TXNRD2: variants seen among roughly 807,000 people sequenced by gnomAD.
The protein encoded by TXNRD2 is thioredoxin reductase 2, also known as thioredoxin reductase 2, mitochondrial.
TXNRD2 carries 67 observed loss-of-function variants against 70.8 expected under a neutral mutation model. The ratio of observed to expected loss-of-function variants is 0.95; its 90% CI spans 0.78 to 1.16. The LOEUF (loss-of-function observed/expected upper bound fraction) is 1.16. TXNRD2 is among the 50% of genes most tolerant of loss of function. The probability of loss-of-function intolerance (pLI) is 0.00; values close to 1 mark genes in which losing one functional copy is unlikely to be tolerated. For synonymous variants in TXNRD2, 301 were observed against 295.8 expected (o/e 1.02, Z -0.18); for missense variants, 644 against 719.9 (o/e 0.89, Z 1.21).
intron 2 of TXNRD2, among the ~76,000 whole-genome samples, chr22:19,920,700 C>T (rs1304366041): frequency 6.6e-6 from 1 of 152,218 alleles, no homozygotes; most frequent in Non-Finnish European, 1.5e-5. Context: ...GACTGCCTCC[C>T]AAGGCACACA....
intron 8 of TXNRD2, among the ~76,000 whole-genome samples, chr22:19,904,063 C>G (rs1022578333): frequency 6.6e-6 from 1 of 152,252 alleles, no homozygotes; most frequent in Admixed American, 6.5e-5. Flanking sequence ...AGAGGCGGAG[C>G]AGGAGCCGAC....
intron 8 of TXNRD2, among the ~76,000 whole-genome samples, chr22:19,904,251 C>A (rs1047647234): frequency 6.6e-6 from 1 of 152,248 alleles, no homozygotes; most frequent in Non-Finnish European, 1.5e-5. Context: ...GTTTTCTGCA[C>A]GTCTTCCTCA....
rs371918416 is a variant in TXNRD2, at chr22:19,915,271, C to A, written c.534G>T (p.Leu178=). ...CGVAKGGKEI[L]LSADHIIIAT... is the part of the protein sequence containing the mutation. The stretch of plus-strand genomic sequence containing the variant: ...CAATGATGATGTGATCGGCTGACAG[C>A]AGAATCTGAGGAGAAAAAGAGAAAG... The change falls in exon 7 of 18, where the codon CTG becomes CTT. Residue 178 remains leucine, a synonymous_variant. Coordinates refer to ENST00000400521, the MANE Select transcript of TXNRD2 (RefSeq NM_006440.5). 3.1e-6 allele frequency: 5 copies of A among 1,613,510 alleles called. No individual in the cohort carries two copies. The African/African-American group carries it at 6.7e-5, about 22-fold the overall frequency.
intron 8 of TXNRD2, among the ~76,000 whole-genome samples, chr22:19,901,742 T>C (rs1352064930): frequency 6.6e-6 from 1 of 152,104 alleles, no homozygotes; most frequent in Admixed American, 6.5e-5. Context: ...CTTCAGGCCA[T>C]TCACGGCCCA....
chr22:19,888,688 C>T (rs531372770), intron 11 of TXNRD2, among the ~76,000 whole-genome samples: 12 of 152,104 alleles, frequency 7.9e-5, no homozygotes, highest in Admixed American at 3.9e-4. Context: ...GAGGCGGGCA[C>T]GGCTTCACAC....
chr22:19,890,664 C>CCCTCTCACCAGGCCA (rs1324171662), intron 11 of TXNRD2, among the ~76,000 whole-genome samples: 1 of 152,210 alleles, frequency 6.6e-6, no homozygotes, highest in Non-Finnish European at 1.5e-5. Context: ...GCCGCCCCTT[C>CCCTCTCACCAGGCCA]CCTCTCACCA....
At chr22:19,933,768 TGGGTGGCAGGCGTTACCTG>T (rs2146098727) in intron 1 of TXNRD2, among the ~76,000 whole-genome samples, 1 of 152,326 alleles carries the variant, frequency 6.6e-6, no homozygotes, top group Non-Finnish European at 1.5e-5. Context: ...GAGGAAGGGC[TGGGTGGCAGGCGTTACCTG>T]GGGACACACC....
rs1472598704 is a variant in TXNRD2 at position 19,912,799 on chromosome 22, G to T, written c.592-1352C>A. 2.0e-5 allele frequency among the ~76,000 whole-genome samples: 3 copies of T among 152,348 alleles called. No individual in the cohort carries two copies. In the East Asian group the frequency reaches 5.8e-4, roughly 29 times the overall value. On this transcript the variant is annotated intron_variant, in intron 7 of 17. Transcript: ENST00000400521. The stretch of plus-strand genomic sequence containing the variant: ...ACAAGTCCCACGGCCTCTAAGGACT[G>T]GGGGTGCTTGTGCTCCTCGGGGCCG...
chr22:19,939,160 C>A (rs937705791), intron 1 of TXNRD2, among the ~76,000 whole-genome samples: 1 of 151,686 alleles, frequency 6.6e-6, no homozygotes, highest in Non-Finnish European at 1.5e-5. Context: ...ATAAAAACCA[C>A]GAGGAAGAGA....
At chr22:19,877,800 A>G (rs1179151966) in intron 16 of TXNRD2, among the ~76,000 whole-genome samples, 1 of 152,172 alleles carries the variant, frequency 6.6e-6, no homozygotes. Flanking sequence ...CACTCTGCTC[A>G]TGGTGGCGTG....
intron 11 of TXNRD2, chr22:19,894,393 A>G (rs1344377679): frequency 6.6e-6 from 1 of 152,626 alleles, no homozygotes; most frequent in Non-Finnish European, 1.5e-5. Context: ...AATGCTTAAG[A>G]TGATGAATTT....
chr22:19,880,172 G>A lies in TXNRD2; in HGVS notation c.1275+7C>T. On this transcript the variant is annotated splice_region_variant and intron_variant, in intron 14 of 17. Transcript: ENST00000400521. ...CTGTCCTCAGCTGTGCTGCTCCCAG[G>A]CCTCACCTCAACATGCTCCTGCCCG... The A allele has an allele frequency of 6.2e-7, 1 of 1,612,626 alleles. No homozygotes were observed. The highest frequency in any genetic ancestry group is 8.5e-7 in the Non-Finnish European group (1 of 1,179,834).
rs904344977 is a variant in TXNRD2, at chr22:19,928,708, A to G, written c.172+2322T>C. Reference sequence around the variant, plus strand: ...GACTGTATTTAGAGATAGGGTCTTCAAAAAGGTAATTAAGTTGGCTGGACA... The same window carrying G: ...GACTGTATTTAGAGATAGGGTCTTCGAAAAGGTAATTAAGTTGGCTGGACA... On this transcript the variant is annotated intron_variant, in intron 2 of 17. Coordinates refer to ENST00000400521, the MANE Select transcript of TXNRD2 (RefSeq NM_006440.5). Among the ~76,000 whole-genome samples the G allele has an allele frequency of 3.3e-5, 5 of 152,174 alleles. No homozygotes were observed. In the East Asian group the frequency reaches 9.6e-4, roughly 29 times the overall value.
chr22:19,879,279 G>A (rs1218102016), intron 14 of TXNRD2, among the ~76,000 whole-genome samples: 5 of 152,160 alleles, frequency 3.3e-5, no homozygotes, highest in African/African-American at 1.2e-4. Context: ...CCCAAAGGCC[G>A]CAGGCCCCAC....
chr22:19,915,125 T>C, intron 7 of TXNRD2, 89 bp downstream of exon 7: 4 of 1,215,946 alleles, frequency 3.3e-6, no homozygotes, highest in South Asian at 1.3e-5. Flanking sequence ...AAGCTGCTGC[T>C]GTGGGAAGCA....
intron 5 of TXNRD2, chr22:19,916,508 A>G (rs767243701): frequency 6.5e-6 from 1 of 153,640 alleles, no homozygotes; most frequent in Non-Finnish European, 1.4e-5. Context: ...CGCCTGGCTA[A>G]TTTTTGTATT....
chr22:19,898,336 C>CGGCCTCT, intron 9 of TXNRD2, among the ~76,000 whole-genome samples: 1 of 152,316 alleles, frequency 6.6e-6, no homozygotes, highest in East Asian at 1.9e-4. Flanking sequence ...CGGACTAGGC[C>CGGCCTCT]GGCCTCTGGC....
intron 1 of TXNRD2, among the ~76,000 whole-genome samples, chr22:19,932,028 G>GTGGGC (rs1228373196): frequency 6.6e-6 from 1 of 151,780 alleles, no homozygotes; most frequent in Non-Finnish European, 1.5e-5. Flanking sequence ...GGGCATGGTG[G>GTGGGC]TGGGCGCCTG....
At chr22:19,924,045 C>T (rs1025575542) in intron 2 of TXNRD2, among the ~76,000 whole-genome samples, 1 of 151,576 alleles carries the variant, frequency 6.6e-6, no homozygotes, top group Admixed American at 6.6e-5. Flanking sequence ...GTTGCCCAGG[C>T]ACTGGTGTGC....
Sources: allele counts gnomAD v4.1 joint callset (sites outside exome capture counted in the v4.1 genomes callset), GRCh38; gene constraint gnomAD v4.1.1; transcripts MANE v1.5; gene names NCBI Gene and HGNC (gene_info 2026-07-23, HGNC 2026-07-21).